The following BAZ1A variants were observed in gnomAD, a reference collection of about 807,000 sequenced individuals.
BAZ1A encodes bromodomain adjacent to zinc finger domain 1A.
In BAZ1A, 50 loss-of-function variants were observed where a neutral mutation model predicts 185.2. The observed-to-expected ratio is 0.27, with a 90% confidence interval of 0.22 to 0.34. The LOEUF (loss-of-function observed/expected upper bound fraction) is 0.34. BAZ1A is among the 10% of genes least tolerant of loss of function. The pLI is 1.00. For missense variants in BAZ1A, 1,356 were observed against 1,839.9 expected, an observed-to-expected ratio of 0.74 and a Z score of 4.81; for synonymous variants, 571 against 615.6, an observed-to-expected ratio of 0.93 and a Z score of 1.07.
chr14:34,852,453 C>A (rs1029267345), intron 3 of BAZ1A, among the ~76,000 whole-genome samples: 4 of 151,962 alleles, frequency 2.6e-5, no homozygotes, highest in African/African-American at 9.7e-5. Context: ...ACTGTCTCTA[C>A]TGAAAATACA....
chr14:34,842,488 C>G (rs1290423668), intron 3 of BAZ1A, among the ~76,000 whole-genome samples: 5 of 152,156 alleles, frequency 3.3e-5, no homozygotes, highest in Non-Finnish European at 7.4e-5. Context: ...GCATTTTTCT[C>G]TTTGCTTCAA....
chr14:34,853,225 A>T (rs1342865163), intron 3 of BAZ1A, among the ~76,000 whole-genome samples: 2 of 152,228 alleles, frequency 1.3e-5, no homozygotes, highest in African/African-American at 4.8e-5. Context: ...GGCTCTAAGG[A>T]AGTAGCAGAG....
rs771448154 is a variant in BAZ1A at position 34,764,890 on chromosome 14, T to C, written c.3593A>G (p.Lys1198Arg). ...AGAGGAGAGTCTTCTAGAACGTTGC[T>C]TTGGTCGACATTCTGGACAAAACCA... The part of the protein sequence containing the change: ...GDWFCPECRP[K>R]QRSRRLSSRQ... Residue 1198 changes from lysine to arginine, a missense_variant, in exon 23 of 27, where the codon AAG becomes AGG. Coordinates refer to ENST00000360310, the MANE Select transcript of BAZ1A (RefSeq NM_013448.3). 6.2e-6 allele frequency: 10 copies of C among 1,614,158 alleles called. No individual in the cohort carries two copies. The highest frequency in any genetic ancestry group is 8.5e-6 in the Non-Finnish European group (10 of 1,180,030).
At chr14:34,831,381 AT>A (rs1226190632) in intron 3 of BAZ1A, among the ~76,000 whole-genome samples, 1 of 152,218 alleles carries the variant, frequency 6.6e-6, no homozygotes, top group Non-Finnish European at 1.5e-5. Flanking sequence ...GTCTCCCACC[AT>A]GAAATCTGTA....
At position 34,807,530 on chromosome 14, in the gene BAZ1A, T is replaced by C; in HGVS notation, c.647A>G (p.Lys216Arg). The C allele has an allele frequency of 1.9e-6, 3 of 1,612,364 alleles. No individual in the cohort carries two copies. The highest frequency in any genetic ancestry group is 2.5e-6 in the Non-Finnish European group (3 of 1,178,912). ...TAGTTTATCACGAGAAAATAGGTGTTTTCTCCGGCTACAGGAGGCAAGGAA... is the reference window on the plus strand; with the variant it reads ...TAGTTTATCACGAGAAAATAGGTGTCTTCTCCGGCTACAGGAGGCAAGGAA... The part of the protein sequence containing the change: ...IVKATQISRR[K>R]HLFSRDKLKL... The change falls in exon 6 of 27, where the codon AAA (lysine) becomes AGA (arginine). Residue 216 changes from lysine (K) to arginine (R), a missense_variant. Physicochemically the swap from Lys to Arg is conservative, Grantham distance 26. Around this residue, in one of 7 missense-constraint regions of BAZ1A, gnomAD observed 332 missense variants for 395.3 expected, o/e 0.84. Coordinates refer to ENST00000360310, the MANE Select transcript of BAZ1A (RefSeq NM_013448.3).
intron 14 of BAZ1A, among the ~76,000 whole-genome samples, chr14:34,785,332 G>A (rs1880371471): frequency 1.3e-5 from 2 of 152,116 alleles, no homozygotes; most frequent in East Asian, 1.9e-4. Context: ...TTTACTGTAT[G>A]TTCTCTAAAG....
Position 34,780,191 on chromosome 14 carries a change from C to T in BAZ1A, c.2231G>A (p.Arg744Lys). 1 of 1,612,932 alleles carries T rather than the reference C, an allele frequency of 6.2e-7. No homozygotes were observed. Among genetic ancestry groups the T allele is most frequent in the Non-Finnish European group, 8.5e-7 (1 of 1,179,618 alleles). The change falls in exon 17 of 27, where the codon AGA (arginine) becomes AAA (lysine). Residue 744 changes from arginine (R) to lysine (K), a missense_variant. Coordinates refer to ENST00000360310, the MANE Select transcript of BAZ1A (RefSeq NM_013448.3). The stretch of plus-strand genomic sequence containing the variant: ...TAAAGAAATTTCAGTATTACCCCTT[C>T]TGCCTCTTTTATGTGATCCTGGGTC... ...EDDPGSHKRG[R>K]RGKRGQNGFK...
intron 3 of BAZ1A, chr14:34,828,517 C>T (rs1210062163): frequency 6.6e-6 from 1 of 151,092 alleles, no homozygotes; most frequent in East Asian, 1.9e-4. Context: ...TTTCTCGTTT[C>T]CTCAAGTCCC....
Position 34,871,834 on chromosome 14 carries a change from G to A in BAZ1A, c.113+2658C>T, listed in dbSNP as rs1274775710. ...TGCAGTGAGCCGAGATGGCACCACT[G>A]CACTCCAGCCTGGGCGACAGGGTGA... On this transcript the variant is annotated intron_variant, in intron 2 of 26. Transcript: ENST00000360310. Among the ~76,000 whole-genome samples, 11 of 152,348 alleles carry A rather than the reference G, an allele frequency of 7.2e-5. No individual in the cohort carries two copies. In the East Asian group the frequency reaches 1.7e-3, roughly 24 times the overall value.
chr14:34,756,464 C>CTTTTTTTTTTTTTTTTTTTTTTTTTT (rs1343693112), intron 25 of BAZ1A, among the ~76,000 whole-genome samples: 1 of 107,168 alleles, frequency 9.3e-6, no homozygotes. Flanking sequence ...GCCAGAATAC[C>CTTTTTTTTTTTTTTTTTTTTTTTTTT]TATTTTTTTT....
At chr14:34,841,792 A>G (rs2042419499) in intron 3 of BAZ1A, among the ~76,000 whole-genome samples, 1 of 152,178 alleles carries the variant, frequency 6.6e-6, no homozygotes, top group Non-Finnish European at 1.5e-5. Flanking sequence ...CTACAAATAT[A>G]AACACCAATA....
chr14:34,818,711 C>T (rs886230540), intron 4 of BAZ1A, among the ~76,000 whole-genome samples: 1 of 152,174 alleles, frequency 6.6e-6, no homozygotes, highest in East Asian at 1.9e-4. Context: ...ATTTGTCTTA[C>T]ATATCCACAC....
chr14:34,764,535 G>A (rs571144267), intron 23 of BAZ1A, among the ~76,000 whole-genome samples, 172 bp downstream of exon 23: 1 of 151,994 alleles, frequency 6.6e-6, no homozygotes, highest in South Asian at 2.1e-4. Flanking sequence ...CAGGTGATCT[G>A]CCTGCCTCAG....
chr14:34,776,356 C>T lies in BAZ1A; in HGVS notation c.2396G>A (p.Cys799Tyr), dbSNP rs1336899028. The T allele has an allele frequency of 6.2e-7, 1 of 1,614,066 alleles. No homozygotes were observed. The highest frequency in any genetic ancestry group is 1.3e-5 in the African/African-American group (1 of 74,942). Residue 799 changes from cysteine to tyrosine, a missense_variant, in exon 18 of 27, where the codon TGT becomes TAT. By Grantham distance (194) the Cys-to-Tyr change is radical. This residue lies in a region of BAZ1A where 434 missense variants were observed against 561.7 expected (regional missense o/e 0.77). Coordinates refer to ENST00000360310, the MANE Select transcript of BAZ1A (RefSeq NM_013448.3). ...GCGACCCAAGGGAAAGATATTGGTA[C>T]AGGCTATGGCACTTTGGATTTTTTC... The part of the protein sequence containing the change: ...LLEKIQSAIA[C>Y]TNIFPLGRDR...
At chr14:34,857,126 C>A (rs1253637889) in intron 3 of BAZ1A, among the ~76,000 whole-genome samples, 1 of 151,206 alleles carries the variant, frequency 6.6e-6, no homozygotes, top group Non-Finnish European at 1.5e-5. Flanking sequence ...CCTGCCTCAG[C>A]CTCCTGAGTA....
chr14:34,809,501 C>T (rs1292580136), intron 5 of BAZ1A, among the ~76,000 whole-genome samples: 1 of 152,124 alleles, frequency 6.6e-6, no homozygotes, highest in Non-Finnish European at 1.5e-5. Flanking sequence ...GAAAGTTCTA[C>T]TTGTCAATGC....
In BAZ1A at chr14:34,863,204, G is replaced by A. The variant is rs998254784; in HGVS notation, c.114-882C>T. Among the ~76,000 whole-genome samples the A allele has an allele frequency of 3.6e-3, 396 of 110,214 alleles. 3 individuals carry two copies. Among genetic ancestry groups the A allele is most frequent in the South Asian group, 0.022 (70 of 3,146 alleles). 72.3% of individuals were successfully genotyped at this position (110,214 alleles called of 152,430 possible). A position where few individuals can be genotyped will look rare whatever the true frequency, so the allele number is the denominator to read the frequency against. Reference sequence around the variant, plus strand: ...TTTGAGATGGAGTTTCACTCTTGTCGCCCAGACTGGAGTGCAATGGCGCGA... The same window carrying A: ...TTTGAGATGGAGTTTCACTCTTGTCACCCAGACTGGAGTGCAATGGCGCGA... On this transcript the variant is annotated intron_variant, in intron 2 of 26. Transcript: ENST00000360310.
In BAZ1A at chr14:34,862,043, C is replaced by T; in HGVS notation, c.392+1G>A. 1 of 1,613,324 alleles carries T rather than the reference C, an allele frequency of 6.2e-7. No homozygotes were observed. Among genetic ancestry groups the T allele is most frequent in the Non-Finnish European group, 8.5e-7 (1 of 1,179,404 alleles). On this transcript the variant is annotated splice_donor_variant, in intron 3 of 26. Transcript: ENST00000360310. LOFTEE classifies it high-confidence loss of function. Reference sequence around the variant, plus strand: ...AAGAGGAAAAATTAAAAGTACTTTACCTTGCACCATTGTTCCTAATGACTT... The same window carrying T: ...AAGAGGAAAAATTAAAAGTACTTTATCTTGCACCATTGTTCCTAATGACTT...
chr14:34,858,984 CG>C (rs2138811510), intron 3 of BAZ1A, among the ~76,000 whole-genome samples: 1 of 152,190 alleles, frequency 6.6e-6, no homozygotes, highest in African/African-American at 2.4e-5. Flanking sequence ...CTTTGTGAGT[CG>C]GGGAGCCATT....
Sources: gnomAD v4.1 joint callset for allele counts (sites outside exome capture counted in the v4.1 genomes callset) on GRCh38, gnomAD v4.1.1 for gene constraint, gnomAD v4.1.1 regional missense constraint, MANE v1.5 for transcripts, NCBI Gene and HGNC (gene_info 2026-07-23, HGNC 2026-07-21) for gene names.